The following H1-8 variants were observed in gnomAD, a reference collection of about 807,000 sequenced individuals.
The protein encoded by H1-8 is histone H1.8.
In H1-8, 13 loss-of-function variants were observed where a neutral mutation model predicts 19.5. That is an observed-to-expected ratio of 0.67 (90% CI 0.43 to 1.06). The LOEUF (loss-of-function observed/expected upper bound fraction) is 1.06, where lower values mean the gene tolerates loss of function less well. H1-8 is among the 50% of genes least tolerant of loss of function. The pLI is 0.00. For synonymous variants in H1-8, 193 were observed against 187.6 expected, an observed-to-expected ratio of 1.03 and a Z score of -0.24; for missense variants, 432 against 459.8, an observed-to-expected ratio of 0.94 and a Z score of 0.55.
intron 1 of H1-8, among the ~76,000 whole-genome samples, chr3:129,544,888 C>T (rs1251508783): frequency 6.6e-6 from 1 of 152,026 alleles, no homozygotes; most frequent in Admixed American, 6.6e-5. Context: ...CCGGGAGTGA[C>T]CCAGGACTAC....
chr3:129,549,526 G>A (rs1004053361), intron 3 of H1-8, among the ~76,000 whole-genome samples, 162 bp downstream of exon 3: 3 of 151,976 alleles, frequency 2.0e-5, no homozygotes, highest in African/African-American at 4.8e-5. Flanking sequence ...AGCTGGTTGG[G>A]GGAAGGAGGC....
chr3:129,544,035 A>G (rs1413387771), intron 1 of H1-8, among the ~76,000 whole-genome samples: 1 of 152,152 alleles, frequency 6.6e-6, no homozygotes, highest in Non-Finnish European at 1.5e-5. Context: ...GGGCAGAGTT[A>G]ACTGGGAAGT....
rs757035569 is a variant in H1-8 at position 129,551,254 on chromosome 3, A to AC, written c.956dup (p.Glu320ArgfsTer7). 4 of 1,614,066 alleles carry AC rather than the reference A, an allele frequency of 2.5e-6. No homozygotes were observed. The Admixed American group carries it at 6.7e-5, about 27-fold the overall frequency. On this transcript the variant is annotated frameshift_variant, in exon 5 of 5. Coordinates refer to ENST00000324382, the MANE Select transcript of H1-8 (RefSeq NM_153833.3). LOFTEE classifies it low-confidence loss of function (END_TRUNC). ...GGTACCTGCACATTTGTCCAGGAAGACAGAGGCCCCCAAGGGCCCTAGAAA... is the reference window on the plus strand; with the variant it reads ...GGTACCTGCACATTTGTCCAGGAAGACCAGAGGCCCCCAAGGGCCCTAGAAA...
rs753597646 is a variant in H1-8, at chr3:129,549,215, G to T, written c.593G>T (p.Arg198Leu). ...CCAGGCGCAGCCACAGAGAAGGCTC[G>T]CAAGCAAGGCGGCGCGGCCAAGGAC... ...PKPGAATEKA[R>L]KQGGAAKDTR... Residue 198 changes from arginine to leucine, a missense_variant, in exon 3 of 5, where the codon CGC becomes CTC. Transcript: ENST00000324382. 8.3e-6 allele frequency: 13 copies of T among 1,573,954 alleles called. No individual in the cohort carries two copies. Among genetic ancestry groups the T allele is most frequent in the South Asian group, 1.2e-5 (1 of 86,690 alleles).
At chr3:129,548,393 A>G in intron 2 of H1-8, 1 of 986,744 alleles carries the variant, frequency 1.0e-6, no homozygotes, top group Non-Finnish European at 1.2e-6. Flanking sequence ...CTTGCGTCAC[A>G]GCAGGACCAG....
At chr3:129,548,893 G>T in intron 2 of H1-8, 108 bp from the exon 3 acceptor site, 1 of 1,418,522 alleles carries the variant, frequency 7.0e-7, no homozygotes, top group East Asian at 2.4e-5. Context: ...CACTGCCTGT[G>T]GAGCCCCCCT....
chr3:129,551,061 C>T (rs552099228), intron 4 of H1-8, 46 bp from the exon 5 acceptor site: 73 of 1,535,390 alleles, frequency 4.8e-5, no homozygotes, highest in Non-Finnish European at 6.2e-5. Context: ...GCTGGGATTT[C>T]AGCCCTTCCC....
At position 129,551,132 on chromosome 3, in the gene H1-8, C is replaced by T; in HGVS notation, c.833C>T (p.Thr278Ile). The T allele has an allele frequency of 1.9e-6, 3 of 1,613,958 alleles. No homozygotes were observed. The highest frequency in any genetic ancestry group is 2.5e-6 in the Non-Finnish European group (3 of 1,179,982). Residue 278 changes from threonine (T) to isoleucine (I), a missense_variant, in exon 5 of 5, where the codon ACC becomes ATC. Physicochemically the swap from Thr to Ile is moderately conservative, Grantham distance 89 (BLOSUM62 -1). Transcript: ENST00000324382. ...SKVKNGAASP[T>I]KKKVVAKAKA... ...GTCAAGAATGGTGCTGCTTCCCCGA[C>T]CAAAAAGAAGGTGGTGGCCAAGGCC...
At chr3:129,549,482 G>C (rs2084918025) in intron 3 of H1-8, 118 bp downstream of exon 3, 1 of 1,227,916 alleles carries the variant, frequency 8.1e-7, no homozygotes, top group African/African-American at 1.5e-5. Flanking sequence ...TGTCCTGAGT[G>C]CTGGGCTTGA....
rs559650186 is a variant in H1-8, at chr3:129,548,891, G to A, written c.379-110G>A. 156 of 1,411,706 alleles carry A rather than the reference G, an allele frequency of 1.1e-4. 3 individuals are homozygous for A. In the South Asian group the frequency reaches 2.1e-3, roughly 19 times the overall value. The allele number at this position is 1,411,706 out of a possible 1,614,324, so 87.4% of individuals were successfully genotyped here. ...GCCTTCTCCCTGCCTCTCACTGCCT[G>A]TGGAGCCCCCCTGTTTGGAACGAGG... On this transcript the variant is annotated intron_variant, in intron 2 of 4. Transcript: ENST00000324382.
chr3:129,547,551 C>G lies in H1-8; in HGVS notation c.249C>G (p.His83Gln), dbSNP rs943192618. The G allele has an allele frequency of 3.2e-6, 5 of 1,577,228 alleles. No homozygotes were observed. In the African/African-American group the frequency reaches 5.4e-5, roughly 17 times the overall value. The change falls in exon 2 of 5, where the codon CAC becomes CAG. Residue 83 changes from histidine (H) to glutamine (Q), a missense_variant. His to Gln is a conservative substitution (Grantham distance 24). Coordinates refer to ENST00000324382, the MANE Select transcript of H1-8 (RefSeq NM_153833.3). ...SVAAIKLYIL[H>Q]KYPTVDVLRF... is the part of the protein sequence containing the mutation. ...CAGCTATCAAGCTCTACATCCTGCACAAGTACCCAACAGTGGACGTCCTCC... is the reference window on the plus strand; with the variant it reads ...CAGCTATCAAGCTCTACATCCTGCAGAAGTACCCAACAGTGGACGTCCTCC...
chr3:129,548,860 C>A, intron 2 of H1-8, 141 bp from the exon 3 acceptor site: 2 of 1,146,408 alleles, frequency 1.7e-6, no homozygotes, highest in Non-Finnish European at 1.2e-6. Flanking sequence ...AGGACAGTGG[C>A]TTCGTGCCTT....
rs1447523076 is a variant in H1-8 at position 129,549,167 on chromosome 3, A to G, written c.545A>G (p.Lys182Arg). ...KVKKAAKRPA[K>R]VQKPPPKPGA... ...AAAAAGGCAGCCAAGAGGCCAGCAAAGGTGCAGAAGCCTCCTCCCAAGCCA... is the reference window on the plus strand; with the variant it reads ...AAAAAGGCAGCCAAGAGGCCAGCAAGGGTGCAGAAGCCTCCTCCCAAGCCA... Residue 182 changes from lysine to arginine, a missense_variant, in exon 3 of 5, where the codon AAG becomes AGG. Physicochemically the swap from Lys to Arg is conservative, Grantham distance 26. Transcript: ENST00000324382. 5 of 1,564,888 alleles carry G rather than the reference A, an allele frequency of 3.2e-6. No homozygotes were observed. Among genetic ancestry groups the G allele is most frequent in the Non-Finnish European group, 4.3e-6 (5 of 1,154,050 alleles).
At chr3:129,543,336 T>G (rs978446262) in intron 1 of H1-8, 30 bp downstream of exon 1, 1 of 1,539,904 alleles carries the variant, frequency 6.5e-7, no homozygotes, top group East Asian at 2.3e-5. Flanking sequence ...TCCTCCCTCA[T>G]CCCTGCGAGC....
intron 3 of H1-8, among the ~76,000 whole-genome samples, chr3:129,550,120 A>G (rs2084922679): frequency 6.6e-6 from 1 of 152,148 alleles, no homozygotes; most frequent in Non-Finnish European, 1.5e-5. Flanking sequence ...CTAGGGCTAG[A>G]GTTATTATTT....
In H1-8 at chr3:129,549,178, C is replaced by T. The variant is rs749481574; in HGVS notation, c.556C>T (p.Pro186Ser). The change falls in exon 3 of 5, where the codon CCT (proline) becomes TCT (serine). Residue 186 changes from proline (P) to serine (S), a missense_variant. Transcript: ENST00000324382. The part of the protein sequence containing the change: ...AAKRPAKVQK[P>S]PPKPGAATEK... ...CAAGAGGCCAGCAAAGGTGCAGAAG[C>T]CTCCTCCCAAGCCAGGCGCAGCCAC... The T allele has an allele frequency of 6.4e-7, 1 of 1,564,630 alleles. No individual in the cohort carries two copies. Among genetic ancestry groups the T allele is most frequent in the Non-Finnish European group, 8.7e-7 (1 of 1,153,900 alleles).
intron 4 of H1-8, 145 bp downstream of exon 4, chr3:129,550,954 C>A: frequency 1.1e-6 from 1 of 941,696 alleles, no homozygotes; most frequent in Non-Finnish European, 1.6e-6. Context: ...CACCTTCTCT[C>A]TGGTCCCCTG....
chr3:129,550,908 G>A, intron 4 of H1-8, 99 bp downstream of exon 4: 2 of 1,146,356 alleles, frequency 1.7e-6, no homozygotes, highest in Non-Finnish European at 2.6e-6. Context: ...ATCCAGGGAT[G>A]GGGCTCAATT....
chr3:129,549,288 C>G lies in H1-8; in HGVS notation c.666C>G (p.Asp222Glu). The stretch of plus-strand genomic sequence containing the variant: ...CTAGGAAGGTGCCCCCCAAGCCAGA[C>G]AAGGCCATGCGGGCACCTTCCAGTG... The part of the protein sequence containing the change: ...GEARKVPPKP[D>E]KAMRAPSSAG... The change falls in exon 3 of 5, where the codon GAC becomes GAG. Residue 222 changes from aspartate (D) to glutamate (E), a missense_variant. Physicochemically the swap from Asp to Glu is conservative, Grantham distance 45. Transcript: ENST00000324382. 4 of 1,590,244 alleles carry G rather than the reference C, an allele frequency of 2.5e-6. No individual in the cohort carries two copies. In the African/African-American group the frequency reaches 4.0e-5, roughly 16 times the overall value.
Sources: allele counts gnomAD v4.1 joint callset (sites outside exome capture counted in the v4.1 genomes callset), GRCh38; gene constraint gnomAD v4.1.1; transcripts MANE v1.5; gene names NCBI Gene and HGNC (gene_info 2026-07-23, HGNC 2026-07-21).